Variants in DMKN observed in about 807,000 individuals in gnomAD.
DMKN encodes the protein dermokine, also known as epidermis-specific secreted protein SK30/SK89.
A neutral mutation model predicts 67.6 loss-of-function variants in DMKN; 58 were observed. The ratio of observed to expected loss-of-function variants is 0.86; its 90% CI spans 0.69 to 1.07. DMKN has a LOEUF of 1.07. Among genes scored for constraint, DMKN ranks in the 50% least tolerant of loss-of-function variants. DMKN has a pLI of 0.00. For missense variants in DMKN, 596 were observed against 601.5 expected (o/e 0.99, Z 0.10); for synonymous variants, 240 against 232.3 (o/e 1.03, Z -0.30).
intron 10 of DMKN, among the ~76,000 whole-genome samples, chr19:35,502,426 G>A (rs190625539): frequency 3.4e-4 from 52 of 152,100 alleles, no homozygotes; most frequent in Admixed American, 2.9e-3. Context: ...TTGGCTGGGC[G>A]CGGTGGCTCA....
intron 9 of DMKN, among the ~76,000 whole-genome samples, chr19:35,505,141 T>C (rs563719646): frequency 1.2e-3 from 190 of 152,004 alleles, no homozygotes; most frequent in Non-Finnish European, 2.2e-3. Flanking sequence ...TCCCTTCCAC[T>C]CCAGCCCCCT....
At chr19:35,511,952 C>T in intron 3 of DMKN, 139 bp from the exon 4 acceptor site, 1 of 930,746 alleles carries the variant, frequency 1.1e-6, no homozygotes, top group East Asian at 2.8e-5. Flanking sequence ...ACCTCCCCTT[C>T]CCATCTGCCT....
chr19:35,506,718 T>C, intron 7 of DMKN: 1 of 328,318 alleles, frequency 3.0e-6, no homozygotes, highest in South Asian at 2.4e-5. Flanking sequence ...AATATATATC[T>C]TAAATTTTTT....
chr19:35,513,639 C>A lies in DMKN; in HGVS notation c.-164G>T. ...CCTTCTCTCTCCTGTCCTCAACTGC[C>A]TGGGCTTCTCAGAGTCCACCTCCCT... On this transcript the variant is annotated 5_prime_UTR_variant, in exon 1 of 16. The change creates a new upstream start codon in the 5' untranslated region. Transcript: ENST00000339686. 2.2e-6 allele frequency: 2 copies of A among 897,322 alleles called. No homozygotes were observed. Among genetic ancestry groups the A allele is most frequent in the Non-Finnish European group, 3.3e-6 (2 of 610,116 alleles). 55.6% of individuals were successfully genotyped at this position (897,322 alleles called of 1,614,324 possible).
chr19:35,507,127 C>A, intron 7 of DMKN: 2 of 222,588 alleles, frequency 9.0e-6, no homozygotes, highest in Non-Finnish European at 1.8e-5. Context: ...GAAACCTCAT[C>A]TTCTACCTCA....
At chr19:35,500,173 T>G (rs73928210) in intron 12 of DMKN, 144 bp from the exon 13 acceptor site, 125,538 of 1,199,604 alleles carry the variant, frequency 0.1, 7,277 homozygotes, top group South Asian at 0.17. Flanking sequence ...TTTTCTTTTA[T>G]ACAATCTCCT....
Position 35,513,606 on chromosome 19 carries a change from G to T in DMKN, c.-131C>A. Reference sequence around the variant, plus strand: ...GACTCCCTGTCCTCCCTCCCTCTGGGTCTGCAGCCTTCTCTCTCCTGTCCT... The same window carrying T: ...GACTCCCTGTCCTCCCTCCCTCTGGTTCTGCAGCCTTCTCTCTCCTGTCCT... On this transcript the variant is annotated 5_prime_UTR_variant, in exon 1 of 16. Coordinates refer to ENST00000339686, the MANE Select transcript of DMKN (RefSeq NM_033317.5). 2 of 1,203,156 alleles carry T rather than the reference G, an allele frequency of 1.7e-6. No individual in the cohort carries two copies. Among genetic ancestry groups the T allele is most frequent in the Non-Finnish European group, 2.3e-6 (2 of 886,634 alleles). The allele number at this position is 1,203,156 out of a possible 1,614,324, so 74.5% of individuals were successfully genotyped here.
rs2068138674 is a variant in DMKN at position 35,500,329 on chromosome 19, A to T, written c.1287+204T>A. The T allele has an allele frequency of 3.9e-6, 6 of 1,542,510 alleles. No individual in the cohort carries two copies. In the East Asian group the frequency reaches 1.5e-4, roughly 38 times the overall value. The stretch of plus-strand genomic sequence containing the variant: ...TGGGAGGTGAGGGTAGGAGACCAAG[A>T]AAAGAAGTGCCAGGACGTAACCCAG... On this transcript the variant is annotated intron_variant, in intron 12 of 15. Transcript: ENST00000339686.
Position 35,511,438 on chromosome 19 carries a change from T to TCTGCTGCCACCACTGTTGCCA in DMKN, c.870_890dup (p.Ser290_Ser296dup). The TCTGCTGCCACCACTGTTGCCA allele has an allele frequency of 1.4e-4, 219 of 1,587,204 alleles. 3 individuals carry two copies. In the East Asian group the frequency reaches 5.2e-3, roughly 37 times the overall value. On this transcript the variant is annotated inframe_insertion, in exon 5 of 16. Coordinates refer to ENST00000339686, the MANE Select transcript of DMKN (RefSeq NM_033317.5). ...AGGAGGACTCACTGCCGCTGTCACC[T>TCTGCTGCCACCACTGTTGCCA]CTGCTGCCACCACTGTTGCCACTGC...
chr19:35,500,634 C>G, intron 11 of DMKN, 54 bp from the exon 12 acceptor site: 1 of 1,560,156 alleles, frequency 6.4e-7, no homozygotes. Context: ...CGGGCATTGC[C>G]GGGCTTTCAG....
In DMKN at chr19:35,513,515, C is replaced by T; in HGVS notation, c.-40G>A. ...CTCTCTCTCCAGAGTGTCTTCCTCC[C>T]ACCAGGGTCTCCTCCTTGCCGCCCT... is the stretch of plus-strand genomic sequence containing the variant. On this transcript the variant is annotated 5_prime_UTR_variant, in exon 1 of 16. Coordinates refer to ENST00000339686, the MANE Select transcript of DMKN (RefSeq NM_033317.5). 1 of 1,563,282 alleles carries T rather than the reference C, an allele frequency of 6.4e-7. No individual in the cohort carries two copies. Among genetic ancestry groups the T allele is most frequent in the Non-Finnish European group, 8.6e-7 (1 of 1,164,694 alleles).
chr19:35,500,477 A>G, intron 12 of DMKN, 56 bp downstream of exon 12: 1 of 1,585,932 alleles, frequency 6.3e-7, no homozygotes, highest in Admixed American at 1.8e-5. Flanking sequence ...CAGACCCGGG[A>G]GCAAGGCCAA....
chr19:35,503,411 T>C lies in DMKN; in HGVS notation c.1135-525A>G, dbSNP rs1017003944. 6 of 1,551,184 alleles carry C rather than the reference T, an allele frequency of 3.9e-6. No homozygotes were observed. In the Middle Eastern group the frequency reaches 5.1e-4, roughly 131 times the overall value. ...GCTCCCATCCAATCTGGTGGCTCCT[T>C]GTCTGGAGGTCACGGGATGCGAGAG... On this transcript the variant is annotated intron_variant, in intron 9 of 15. Coordinates refer to ENST00000339686, the MANE Select transcript of DMKN (RefSeq NM_033317.5).
chr19:35,511,851 A>G, intron 3 of DMKN, 38 bp from the exon 4 acceptor site: 4 of 1,597,084 alleles, frequency 2.5e-6, no homozygotes, highest in Non-Finnish European at 3.4e-6. Context: ...GGGGACGGTG[A>G]GTTTGGAGAC....
At position 35,500,001 on chromosome 19, in the gene DMKN, G is replaced by C. The variant is rs139514515; in HGVS notation, c.1316C>G (p.Pro439Arg). ...TGAGTACTTCCCACCATAGGCAGTG[G>C]GATACGCATGCTGGTTGTAATTGTA... ...QNYNYNQHAY[P>R]TAYGGKYSVK... The change falls in exon 13 of 16, where the codon CCC (proline) becomes CGC (arginine). Residue 439 changes from proline to arginine, a missense_variant. By Grantham distance (103) the Pro-to-Arg change is moderately radical. Coordinates refer to ENST00000339686, the MANE Select transcript of DMKN (RefSeq NM_033317.5). 1.2e-6 allele frequency: 2 copies of C among 1,614,114 alleles called. No individual in the cohort carries two copies. Among genetic ancestry groups the C allele is most frequent in the African/African-American group, 2.7e-5 (2 of 74,944 alleles).
At chr19:35,503,965 G>T (rs757994721) in intron 9 of DMKN, among the ~76,000 whole-genome samples, 2 of 152,190 alleles carry the variant, frequency 1.3e-5, no homozygotes, top group South Asian at 4.2e-4. Flanking sequence ...ATTACACTGC[G>T]TTCCCCTCTG....
In DMKN at chr19:35,511,755, C is replaced by T. The variant is rs375258677; in HGVS notation, c.735+8G>A. The T allele has an allele frequency of 3.8e-5, 61 of 1,612,234 alleles. No individual in the cohort carries two copies. Among genetic ancestry groups the T allele is most frequent in the Admixed American group, 2.0e-4 (12 of 59,810 alleles). On this transcript the variant is annotated splice_region_variant and intron_variant, in intron 4 of 15. Transcript: ENST00000339686. ...TGCACAACTCCTGGGTTGCCCCTCTCCACTCACCCCAGAGTTGCTGGAGCC... is the reference window on the plus strand; with the variant it reads ...TGCACAACTCCTGGGTTGCCCCTCTTCACTCACCCCAGAGTTGCTGGAGCC...
chr19:35,510,370 C>G, intron 5 of DMKN, 118 bp from the exon 6 acceptor site: 1 of 1,552,456 alleles, frequency 6.4e-7, no homozygotes, highest in South Asian at 1.2e-5. Flanking sequence ...CTCTTTCCAA[C>G]CTCCAGACCT....
intron 13 of DMKN, 187 bp from the exon 14 acceptor site, chr19:35,499,084 T>C: frequency 2.6e-6 from 2 of 758,486 alleles, no homozygotes; most frequent in Non-Finnish European, 4.3e-6. Flanking sequence ...TCATCCTGAG[T>C]GCACTTGATC....
Sources: gnomAD v4.1 joint callset for allele counts (sites outside exome capture counted in the v4.1 genomes callset) on GRCh38, gnomAD v4.1.1 for gene constraint, MANE v1.5 for transcripts, NCBI Gene and HGNC (gene_info 2026-07-23, HGNC 2026-07-21) for gene names.